ATP6V1C1: variants seen among roughly 807,000 people sequenced by gnomAD.
ATP6V1C1 encodes the protein V-type proton ATPase subunit C 1.
ATP6V1C1 carries 45 observed loss-of-function variants against 53.9 expected under a neutral mutation model. That is an observed-to-expected ratio of 0.83 (90% confidence interval 0.66 to 1.07). ATP6V1C1 has a LOEUF of 1.07. Among genes scored for constraint, ATP6V1C1 ranks in the 50% least tolerant of loss-of-function variants. ATP6V1C1 has a pLI of 0.00. For missense variants in ATP6V1C1, 315 were observed against 440.3 expected, an observed-to-expected ratio of 0.72 and a Z score of 2.55; for synonymous variants, 153 against 155.2, an observed-to-expected ratio of 0.99 and a Z score of 0.11.
At chr8:103,025,982 A>G (rs1372343687) in intron 1 of ATP6V1C1, among the ~76,000 whole-genome samples, 21 of 152,240 alleles carry the variant, frequency 1.4e-4, no homozygotes, top group Admixed American at 1.4e-3. Context: ...ATAAATTGCC[A>G]GCCATGAAGA....
chr8:103,026,855 T>C (rs917587030), intron 1 of ATP6V1C1, among the ~76,000 whole-genome samples: 3 of 152,194 alleles, frequency 2.0e-5, no homozygotes, highest in South Asian at 4.1e-4. Context: ...TTTTAAAATC[T>C]CATTTCGTAT....
intron 7 of ATP6V1C1, 68 bp downstream of exon 7, chr8:103,054,050 T>C (rs1440943802): frequency 4.8e-6 from 6 of 1,245,924 alleles, no homozygotes; most frequent in Admixed American, 2.3e-5. Flanking sequence ...TCTAGTATTG[T>C]AGTTTGAAGT....
intron 8 of ATP6V1C1, among the ~76,000 whole-genome samples, chr8:103,057,543 A>G (rs780980170): frequency 2.6e-5 from 4 of 152,082 alleles, no homozygotes; most frequent in South Asian, 2.1e-4. Flanking sequence ...TTTCCTTTCA[A>G]TTTAGTTCTA....
In ATP6V1C1 at chr8:103,070,217, G is replaced by A. The variant is rs142409192; in HGVS notation, c.*1470G>A. The A allele has an allele frequency of 3.3e-5, 5 of 152,312 alleles. No homozygotes were observed. Among genetic ancestry groups the A allele is most frequent in the Middle Eastern group, 3.4e-3 (1 of 294 alleles). 9.4% of individuals were successfully genotyped at this position (152,312 alleles called of 1,614,324 possible). A position where few individuals can be genotyped will look rare whatever the true frequency, so the allele number is the denominator to read the frequency against. ...AGTGTCTGTCATCATGTGTTTAGCCGAGTGGATGGATAGTCTGCTTGTTTT... is the reference window on the plus strand; with the variant it reads ...AGTGTCTGTCATCATGTGTTTAGCCAAGTGGATGGATAGTCTGCTTGTTTT... On this transcript the variant is annotated 3_prime_UTR_variant, in exon 13 of 13. Transcript: ENST00000518738.
chr8:103,030,506 G>C (rs1368238653), intron 1 of ATP6V1C1, among the ~76,000 whole-genome samples: 1 of 152,190 alleles, frequency 6.6e-6, no homozygotes, highest in African/African-American at 2.4e-5. Flanking sequence ...ATCTGGACAA[G>C]ATATATTAAA....
intron 1 of ATP6V1C1, among the ~76,000 whole-genome samples, chr8:103,027,903 A>G (rs762712838): frequency 1.4e-4 from 22 of 151,890 alleles, no homozygotes; most frequent in African/African-American, 1.9e-4. Flanking sequence ...CCCACCCCCA[A>G]TTGTAAGCTC....
intron 1 of ATP6V1C1, among the ~76,000 whole-genome samples, chr8:103,024,080 C>T (rs1195921248): frequency 1.3e-5 from 2 of 152,106 alleles, no homozygotes; most frequent in East Asian, 1.9e-4. Context: ...ACTGAAAGTG[C>T]TCAGGTTGTC....
In ATP6V1C1 at chr8:103,072,634, T is replaced by TA. The variant is rs1817604687; in HGVS notation, c.*3887_*3888insA. On this transcript the variant is annotated 3_prime_UTR_variant, in exon 13 of 13. Transcript: ENST00000518738. ...TTTTTCTAGCATAGATAACAATTGA[T>TA]TCTTTAGATTCATATATGGAGGTAA... 6.6e-6 allele frequency: 1 copy of TA among 152,240 alleles called. No homozygotes were observed. The highest frequency in any genetic ancestry group is 1.5e-5 in the Non-Finnish European group (1 of 68,038). 9.4% of individuals were successfully genotyped at this position (152,240 alleles called of 1,614,324 possible). A position where few individuals can be genotyped will look rare whatever the true frequency, so the allele number is the denominator to read the frequency against.
chr8:103,043,221 T>G (rs1817032160), intron 3 of ATP6V1C1, among the ~76,000 whole-genome samples: 1 of 152,224 alleles, frequency 6.6e-6, no homozygotes, highest in Non-Finnish European at 1.5e-5. Context: ...CGGCAGTGTA[T>G]GAAGATTCTC....
intron 3 of ATP6V1C1, among the ~76,000 whole-genome samples, chr8:103,042,996 A>C (rs1374358113): frequency 6.6e-6 from 1 of 152,212 alleles, no homozygotes; most frequent in Non-Finnish European, 1.5e-5. Context: ...TCCGTTCATC[A>C]GTTGATGGGC....
intron 11 of ATP6V1C1, 105 bp from the exon 12 acceptor site, chr8:103,066,216 C>A: frequency 1.5e-6 from 2 of 1,325,014 alleles, no homozygotes; most frequent in Non-Finnish European, 2.0e-6. Flanking sequence ...GAGATATTCT[C>A]TCCCCGTTAA....
At chr8:103,030,515 A>G (rs535464785) in intron 1 of ATP6V1C1, among the ~76,000 whole-genome samples, 2 of 152,348 alleles carry the variant, frequency 1.3e-5, no homozygotes, top group Non-Finnish European at 2.9e-5. Flanking sequence ...AGATATATTA[A>G]AAAACTGCTT....
intron 1 of ATP6V1C1, among the ~76,000 whole-genome samples, chr8:103,027,304 T>A (rs1009479912): frequency 3.3e-5 from 5 of 152,236 alleles, no homozygotes; most frequent in Non-Finnish European, 7.3e-5. Context: ...TTTAATTTAC[T>A]GTGAAAGGTG....
intron 1 of ATP6V1C1, among the ~76,000 whole-genome samples, chr8:103,023,824 A>G (rs1816642416): frequency 6.6e-6 from 1 of 151,388 alleles, no homozygotes; most frequent in Admixed American, 6.6e-5. Context: ...GATTACCTAC[A>G]CAGTACTAAC....
chr8:103,063,394 C>A, intron 10 of ATP6V1C1, 166 bp downstream of exon 10: 1 of 554,350 alleles, frequency 1.8e-6, no homozygotes, highest in Non-Finnish European at 3.1e-6. Flanking sequence ...TAAAGCTTAA[C>A]TGTTCTAGAG....
intron 10 of ATP6V1C1, among the ~76,000 whole-genome samples, chr8:103,063,595 A>G (rs1817440869): frequency 6.6e-6 from 1 of 152,220 alleles, no homozygotes; most frequent in African/African-American, 2.4e-5. Flanking sequence ...GATTTTAGTT[A>G]AGTAACGAAG....
At chr8:103,040,393 G>A (rs1172066649) in intron 1 of ATP6V1C1, among the ~76,000 whole-genome samples, 3 of 149,300 alleles carry the variant, frequency 2.0e-5, no homozygotes, top group Non-Finnish European at 3.0e-5. Flanking sequence ...CAGCCTGGGC[G>A]ACAGAGTGAG....
At chr8:103,057,420 C>T (rs1236088436) in intron 8 of ATP6V1C1, among the ~76,000 whole-genome samples, 1 of 152,228 alleles carries the variant, frequency 6.6e-6, no homozygotes, top group Non-Finnish European at 1.5e-5. Context: ...GAAGACTCGG[C>T]CTCCCAATCA....
intron 8 of ATP6V1C1, among the ~76,000 whole-genome samples, chr8:103,058,562 TG>T (rs1350682203): frequency 2.6e-5 from 4 of 152,236 alleles, no homozygotes; most frequent in African/African-American, 9.6e-5. Context: ...AGCTAGTCTT[TG>T]TTCTATGTGC....
Sources: allele counts gnomAD v4.1 joint callset (sites outside exome capture counted in the v4.1 genomes callset), GRCh38; gene constraint gnomAD v4.1.1; transcripts MANE v1.5; gene names NCBI Gene and HGNC (gene_info 2026-07-23, HGNC 2026-07-21).